ZCCHC2: variants seen among roughly 807,000 people sequenced by gnomAD.
The protein encoded by ZCCHC2 is zinc finger CCHC domain-containing protein 2.
ZCCHC2 carries 39 observed loss-of-function variants against 103.6 expected under a neutral mutation model. That is an observed-to-expected ratio of 0.38 (90% CI 0.29 to 0.49). The LOEUF is 0.49. ZCCHC2 is among the 20% of genes least tolerant of loss of function. The probability of loss-of-function intolerance (pLI) is 0.96; values close to 1 mark genes in which losing one functional copy is unlikely to be tolerated. For synonymous variants in ZCCHC2, 687 were observed against 608.9 expected, an observed-to-expected ratio of 1.13 and a Z score of -1.89; for missense variants, 1,483 against 1,491.0, an observed-to-expected ratio of 0.99 and a Z score of 0.09.
chr18:62,549,112 G>C (rs995318876), intron 4 of ZCCHC2, among the ~76,000 whole-genome samples: 1 of 151,702 alleles, frequency 6.6e-6, no homozygotes, highest in African/African-American at 2.4e-5. Context: ...CCAGCTACTC[G>C]GGAGGCTGAG....
chr18:62,575,680 G>A, intron 13 of ZCCHC2, 130 bp downstream of exon 13: 6 of 1,147,268 alleles, frequency 5.2e-6, no homozygotes, highest in Non-Finnish European at 6.1e-6. Flanking sequence ...ATTGTTTTCA[G>A]TGACAGATCA....
At chr18:62,572,820 TTGAC>T (rs1019121515) in intron 12 of ZCCHC2, among the ~76,000 whole-genome samples, 16 of 152,218 alleles carry the variant, frequency 1.1e-4, no homozygotes, top group African/African-American at 2.7e-4. Context: ...ATTTTTATCT[TTGAC>T]TGTGCACTGG....
intron 1 of ZCCHC2, among the ~76,000 whole-genome samples, chr18:62,538,167 G>A (rs958754781): frequency 6.6e-6 from 1 of 150,692 alleles, no homozygotes; most frequent in Non-Finnish European, 1.5e-5. Flanking sequence ...ATGCCGAGTT[G>A]AGAGGATCAC....
chr18:62,560,115 C>G (rs372665962), intron 7 of ZCCHC2, among the ~76,000 whole-genome samples: 1 of 152,280 alleles, frequency 6.6e-6, no homozygotes, highest in Non-Finnish European at 1.5e-5. Context: ...TAGTTAGCCT[C>G]TAGAGGGATG....
At chr18:62,572,572 A>T (rs1916636039) in intron 12 of ZCCHC2, among the ~76,000 whole-genome samples, 1 of 152,142 alleles carries the variant, frequency 6.6e-6, no homozygotes, top group South Asian at 2.1e-4. Context: ...TCTCCTTTGA[A>T]AAGGGCGTGG....
rs975418304 is a variant in ZCCHC2 at position 62,576,384 on chromosome 18, A to G, written c.3470-128A>G. ...GCTTTTTAAAGTGAGCGGATTGGCC[A>G]TTTGGAGTGGCACTAGAGCTGACGA... On this transcript the variant is annotated intron_variant, in intron 13 of 13. Coordinates refer to ENST00000269499, the MANE Select transcript of ZCCHC2 (RefSeq NM_017742.6). 4 of 693,222 alleles carry G rather than the reference A, an allele frequency of 5.8e-6. No homozygotes were observed. In the African/African-American group the frequency reaches 7.1e-5, roughly 12 times the overall value. 42.9% of individuals were successfully genotyped at this position (693,222 alleles called of 1,614,324 possible). A position where few individuals can be genotyped will look rare whatever the true frequency, so the allele number is the denominator to read the frequency against.
intron 2 of ZCCHC2, 150 bp from the exon 3 acceptor site, chr18:62,542,348 T>C: frequency 1.6e-6 from 1 of 606,284 alleles, no homozygotes; most frequent in South Asian, 3.7e-5. Context: ...TGTCTTCTTT[T>C]TTTTTATTTC....
At chr18:62,530,327 T>C (rs578171845) in intron 1 of ZCCHC2, among the ~76,000 whole-genome samples, 7 of 152,294 alleles carry the variant, frequency 4.6e-5, no homozygotes, top group Admixed American at 3.3e-4. Flanking sequence ...CCCTGAGTCT[T>C]ACCTGTAAAA....
At chr18:62,528,469 C>T (rs1162261182) in intron 1 of ZCCHC2, among the ~76,000 whole-genome samples, 2 of 152,110 alleles carry the variant, frequency 1.3e-5, no homozygotes, top group Non-Finnish European at 2.9e-5. Context: ...CATGGTGGCA[C>T]ATGCCTGTAG....
At chr18:62,539,408 T>G in intron 1 of ZCCHC2, 3 of 298,756 alleles carry the variant, frequency 1.0e-5, no homozygotes, top group Admixed American at 4.8e-5. Context: ...GTTCCTTTGA[T>G]TTGGATTCAG....
intron 4 of ZCCHC2, among the ~76,000 whole-genome samples, chr18:62,546,844 A>G (rs1915434358): frequency 6.6e-6 from 1 of 152,222 alleles, no homozygotes; most frequent in Non-Finnish European, 1.5e-5. Context: ...GAATCATAGC[A>G]ATTGATGAAC....
chr18:62,579,721 T>C (rs1202201341), downstream of ZCCHC2, among the ~76,000 whole-genome samples: 1 of 151,868 alleles, frequency 6.6e-6, no homozygotes, highest in African/African-American at 2.4e-5. Flanking sequence ...ATTGTGTTAG[T>C]CTTTTCTTTT....
chr18:62,523,663 G>A lies in ZCCHC2; in HGVS notation c.239G>A (p.Gly80Asp), dbSNP rs1302056219. The change falls in exon 1 of 14, where the codon GGT becomes GAT. Residue 80 changes from glycine (G) to aspartate (D), a missense_variant. By Grantham distance (94) the Gly-to-Asp change is moderately conservative (BLOSUM62 -1). Coordinates refer to ENST00000269499, the MANE Select transcript of ZCCHC2 (RefSeq NM_017742.6). ...PVAGGAAAGAGMPGGGGGPSA... is the reference protein window; with the variant it reads ...PVAGGAAAGADMPGGGGGPSA... ...GCTGGTGGAGCGGCGGCGGGGGCGG[G>A]TATGCCGGGCGGCGGCGGGGGGCCC... 6.0e-6 allele frequency: 8 copies of A among 1,342,010 alleles called. No individual in the cohort carries two copies. Among genetic ancestry groups the A allele is most frequent in the South Asian group, 1.9e-5 (1 of 52,120 alleles). The allele number at this position is 1,342,010 out of a possible 1,614,324, so 83.1% of individuals were successfully genotyped here.
At position 62,576,587 on chromosome 18, in the gene ZCCHC2, A is replaced by G; in HGVS notation, c.*8A>G. On this transcript the variant is annotated 3_prime_UTR_variant, in exon 14 of 14. Transcript: ENST00000269499. ...TTGGATTCTGCAGACTGAAACGAGT[A>G]AAGCTTGCCTACTTAATACACTCAA... The G allele has an allele frequency of 6.2e-7, 1 of 1,612,618 alleles. No homozygotes were observed. The highest frequency in any genetic ancestry group is 8.5e-7 in the Non-Finnish European group (1 of 1,178,776).
intron 1 of ZCCHC2, among the ~76,000 whole-genome samples, chr18:62,534,609 T>C (rs1335232038): frequency 6.6e-6 from 1 of 152,184 alleles, no homozygotes; most frequent in African/African-American, 2.4e-5. Context: ...ATAACATAAA[T>C]GTTGGGGAAT....
chr18:62,540,526 A>T (rs1207443317), intron 2 of ZCCHC2, among the ~76,000 whole-genome samples: 1 of 151,974 alleles, frequency 6.6e-6, no homozygotes, highest in Admixed American at 6.5e-5. Context: ...AATGTTGAAC[A>T]TAAGTGTTTA....
At chr18:62,555,258 A>G (rs1915840038) in intron 5 of ZCCHC2, among the ~76,000 whole-genome samples, 1 of 152,174 alleles carries the variant, frequency 6.6e-6, no homozygotes, top group South Asian at 2.1e-4. Flanking sequence ...TTTTACAGGT[A>G]CCACTGTCGG....
intron 1 of ZCCHC2, among the ~76,000 whole-genome samples, chr18:62,525,648 C>T (rs528193168): frequency 7.9e-5 from 12 of 152,084 alleles, no homozygotes; most frequent in African/African-American, 2.4e-4. Flanking sequence ...AGCCTGAACC[C>T]CTTTTTTAAA....
intron 12 of ZCCHC2, among the ~76,000 whole-genome samples, chr18:62,573,703 G>C (rs965221325): frequency 1.3e-5 from 2 of 152,170 alleles, no homozygotes; most frequent in Non-Finnish European, 2.9e-5. Flanking sequence ...GTGCAGAATA[G>C]AAACCAAGTG....
Sources: gnomAD v4.1 joint callset for allele counts (sites outside exome capture counted in the v4.1 genomes callset) on GRCh38, gnomAD v4.1.1 for gene constraint, MANE v1.5 for transcripts, NCBI Gene and HGNC (gene_info 2026-07-23, HGNC 2026-07-21) for gene names.